DCC: variants seen among roughly 807,000 people sequenced by gnomAD.
DCC encodes DCC netrin 1 receptor.
In DCC, 58 loss-of-function variants were observed where a neutral mutation model predicts 172.5. That is an observed-to-expected ratio of 0.34 (90% CI 0.27 to 0.42). The LOEUF (loss-of-function observed/expected upper bound fraction) is 0.42, where lower values mean the gene tolerates loss of function less well. DCC is among the 10% of genes least tolerant of loss of function. The pLI, the probability that DCC is intolerant of heterozygous loss-of-function variation, is 1.00. For missense variants in DCC, 1,740 were observed against 1,791.0 expected (o/e 0.97, Z 0.51); for synonymous variants, 709 against 644.5 (o/e 1.10, Z -1.52).
At chr18:53,432,740 C>T (rs907197653) in intron 21 of DCC, among the ~76,000 whole-genome samples, 17 of 150,562 alleles carry the variant, frequency 1.1e-4, no homozygotes, top group Non-Finnish European at 1.8e-4. Context: ...AATCTTTTAT[C>T]ATTATTATTA....
At chr18:52,590,754 A>G (rs1411464564) in intron 1 of DCC, among the ~76,000 whole-genome samples, 1 of 152,256 alleles carries the variant, frequency 6.6e-6, no homozygotes, top group African/African-American at 2.4e-5. Context: ...TGTGCTTAGC[A>G]CAAAGTACTT....
chr18:52,775,471 C>T (rs979374256), intron 2 of DCC, among the ~76,000 whole-genome samples: 1 of 152,146 alleles, frequency 6.6e-6, no homozygotes, highest in African/African-American at 2.4e-5. Context: ...TCAGATCACA[C>T]GTGAGCTTGG....
intron 1 of DCC, among the ~76,000 whole-genome samples, chr18:52,474,403 GCC>G (rs1156479739): frequency 2.0e-5 from 3 of 152,128 alleles, no homozygotes; most frequent in Non-Finnish European, 4.4e-5. Context: ...TTCCAAATTA[GCC>G]AACTTTTCAT....
At chr18:52,577,270 T>C (rs758713211) in intron 1 of DCC, among the ~76,000 whole-genome samples, 46 of 152,266 alleles carry the variant, frequency 3.0e-4, no homozygotes, top group Non-Finnish European at 5.1e-4. Context: ...GGAAGGGTAA[T>C]GATATCTCTA....
At chr18:52,823,780 T>C (rs530186791) in intron 2 of DCC, among the ~76,000 whole-genome samples, 9 of 152,334 alleles carry the variant, frequency 5.9e-5, no homozygotes, top group Non-Finnish European at 1.2e-4. Context: ...GAAAGCATCC[T>C]GTTAGTATCT....
At chr18:52,981,902 A>G (rs1180517232) in intron 5 of DCC, among the ~76,000 whole-genome samples, 8 of 152,152 alleles carry the variant, frequency 5.3e-5, no homozygotes, top group Non-Finnish European at 1.2e-4. Flanking sequence ...AGTGAAATTT[A>G]AGCAGGATCT....
intron 9 of DCC, among the ~76,000 whole-genome samples, chr18:53,194,213 G>C (rs1484505960): frequency 6.6e-6 from 1 of 152,112 alleles, no homozygotes; most frequent in Non-Finnish European, 1.5e-5. Context: ...TCAATGTGAA[G>C]TAAGCAAGAA....
chr18:53,224,124 C>T (rs2055985626), intron 12 of DCC, among the ~76,000 whole-genome samples: 1 of 152,192 alleles, frequency 6.6e-6, no homozygotes, highest in South Asian at 2.1e-4. Flanking sequence ...ACAATTGACA[C>T]AAGGGAGTGG....
intron 2 of DCC, among the ~76,000 whole-genome samples, chr18:52,843,592 C>T (rs11877920): frequency 0.025 from 3,741 of 152,102 alleles, 137 homozygotes; most frequent in African/African-American, 0.082. Flanking sequence ...TGCCTTAAAC[C>T]CCGTTGTTTC....
chr18:53,092,313 T>G (rs2043025652), intron 7 of DCC, among the ~76,000 whole-genome samples: 1 of 152,174 alleles, frequency 6.6e-6, no homozygotes, highest in African/African-American at 2.4e-5. Context: ...ACCGAAGTCG[T>G]AAGCAAGTGA....
chr18:53,418,420 C>A (rs1910446896), intron 21 of DCC, among the ~76,000 whole-genome samples: 1 of 152,122 alleles, frequency 6.6e-6, no homozygotes, highest in South Asian at 2.1e-4. Context: ...TCTTAATACT[C>A]CCATTCCCAG....
At position 53,486,909 on chromosome 18, in the gene DCC, A is replaced by G; in HGVS notation, c.3849A>G (p.Pro1283=). The change falls in exon 26 of 29, where the codon CCA becomes CCG. Residue 1283 remains proline (P), a synonymous_variant. Coordinates refer to ENST00000442544, the MANE Select transcript of DCC (RefSeq NM_005215.4). ...PHPQFTLRPV[P]FPTLSVDRGF... ...CGCAGTTCACTCTCCGGCCTGTGCCATTCCCAACACTCTCAGTGGACCGAG... is the reference window on the plus strand; with the variant it reads ...CGCAGTTCACTCTCCGGCCTGTGCCGTTCCCAACACTCTCAGTGGACCGAG... 6.2e-7 allele frequency: 1 copy of G among 1,614,180 alleles called. No individual in the cohort carries two copies. Among genetic ancestry groups the G allele is most frequent in the Non-Finnish European group, 8.5e-7 (1 of 1,180,040 alleles).
At chr18:52,949,697 G>C (rs1445092414) in intron 5 of DCC, among the ~76,000 whole-genome samples, 1 of 152,174 alleles carries the variant, frequency 6.6e-6, no homozygotes, top group East Asian at 1.9e-4. Context: ...GCTGGTCTCA[G>C]CTCTCTTGAA....
chr18:53,527,418 G>C (rs370546583), intron 28 of DCC, among the ~76,000 whole-genome samples: 33 of 151,526 alleles, frequency 2.2e-4, no homozygotes, highest in African/African-American at 8.0e-4. Flanking sequence ...AAAATATAGT[G>C]ACAAAAAGCT....
intron 1 of DCC, among the ~76,000 whole-genome samples, chr18:52,656,050 G>T (rs1204993191): frequency 7.1e-6 from 1 of 140,524 alleles, no homozygotes; most frequent in African/African-American, 2.7e-5. Flanking sequence ...GTATATATAT[G>T]TATATATGTG....
intron 5 of DCC, among the ~76,000 whole-genome samples, chr18:52,962,912 A>G (rs547009060): frequency 2.1e-5 from 3 of 143,188 alleles, no homozygotes; most frequent in Non-Finnish European, 4.5e-5. Flanking sequence ...CAATGAGAAC[A>G]CATGGACACA....
chr18:52,428,551 T>C (rs1319019200), intron 1 of DCC, among the ~76,000 whole-genome samples: 1 of 152,130 alleles, frequency 6.6e-6, no homozygotes, highest in African/African-American at 2.4e-5. Context: ...GTACACCTGC[T>C]TTTAGAGTTT....
intron 5 of DCC, among the ~76,000 whole-genome samples, chr18:52,936,750 A>T (rs115575585): frequency 0.012 from 1,781 of 152,292 alleles, 33 homozygotes; most frequent in African/African-American, 0.041. Context: ...TGCCCTGAAG[A>T]AACGGAAGTA....
chr18:52,987,493 C>G (rs1465757972), intron 5 of DCC, among the ~76,000 whole-genome samples: 1 of 152,136 alleles, frequency 6.6e-6, no homozygotes, highest in African/African-American at 2.4e-5. Flanking sequence ...AACCCTAACT[C>G]AAATATTCTC....
Sources: gnomAD v4.1 joint callset for allele counts (sites outside exome capture counted in the v4.1 genomes callset) on GRCh38, gnomAD v4.1.1 for gene constraint, MANE v1.5 for transcripts, NCBI Gene and HGNC (gene_info 2026-07-23, HGNC 2026-07-21) for gene names.